ZNF808: variants seen among roughly 807,000 people sequenced by gnomAD.
The protein encoded by ZNF808 is zinc finger protein 808.
Under a neutral mutation model 8.7 loss-of-function variants are expected in ZNF808, and 5 were observed. The ratio of observed to expected loss-of-function variants is 0.58; its 90% CI spans 0.30 to 1.21. The LOEUF (loss-of-function observed/expected upper bound fraction) is 1.21. Among genes scored for constraint, ZNF808 ranks in the 50% most tolerant of loss-of-function variants. The probability of loss-of-function intolerance (pLI) is 0.07; values close to 1 mark genes in which losing one functional copy is unlikely to be tolerated. For missense variants in ZNF808, 1,103 were observed against 1,098.4 expected, an observed-to-expected ratio of 1.00 and a Z score of -0.06; for synonymous variants, 380 against 366.0, an observed-to-expected ratio of 1.04 and a Z score of -0.44.
intron 1 of ZNF808, among the ~76,000 whole-genome samples, chr19:52,530,401 C>T (rs1599945245): frequency 6.6e-6 from 1 of 151,916 alleles, no homozygotes; most frequent in African/African-American, 2.4e-5. Context: ...TGGTGGCTCA[C>T]GCCTGTAATC....
rs775343092 is a variant in ZNF808, at chr19:52,554,741, G to T, written c.1825G>T (p.Ala609Ser). Residue 609 changes from alanine to serine, a missense_variant, in exon 5 of 5, where the codon GCT becomes TCT. Physicochemically the swap from Ala to Ser is moderately conservative, Grantham distance 99 (BLOSUM62 1). Transcript: ENST00000359798. Reference sequence around the variant, plus strand: ...TGACAAAGTTTTTGGTCAGAAATCAGCTCTTGAGTCACATAAGAGAATTCA... The same window carrying T: ...TGACAAAGTTTTTGGTCAGAAATCATCTCTTGAGTCACATAAGAGAATTCA... ...ACDKVFGQKS[A>S]LESHKRIHTG... is the part of the protein sequence containing the mutation. 44 of 1,613,304 alleles carry T rather than the reference G, an allele frequency of 2.7e-5. 1 individual carries two copies. The South Asian group carries it at 4.8e-4, about 18-fold the overall frequency.
rs531195912 is a variant in ZNF808 at position 52,542,622 on chromosome 19, G to C, written c.-19-644G>C. Among the ~76,000 whole-genome samples the C allele has an allele frequency of 9.2e-5, 14 of 152,048 alleles. No homozygotes were observed. In the East Asian group the frequency reaches 2.7e-3, roughly 29 times the overall value. On this transcript the variant is annotated intron_variant, in intron 2 of 4. Coordinates refer to ENST00000359798, the MANE Select transcript of ZNF808 (RefSeq NM_001039886.4). ...TATTTAGAGAGTTTAGTTTGCCCAA[G>C]GTGGTCGGGGCAGAGCTTAATTTTA...
chr19:52,537,621 C>T (rs1018147293), intron 2 of ZNF808, among the ~76,000 whole-genome samples: 2 of 151,222 alleles, frequency 1.3e-5, no homozygotes, highest in Non-Finnish European at 2.9e-5. Flanking sequence ...CCAGGAGCTC[C>T]AGGCTGCTGT....
At chr19:52,539,890 G>T (rs908732386) in intron 2 of ZNF808, among the ~76,000 whole-genome samples, 1 of 151,868 alleles carries the variant, frequency 6.6e-6, no homozygotes, top group Non-Finnish European at 1.5e-5. Context: ...TGTTTCCCAG[G>T]CTGGAGTGCA....
intron 2 of ZNF808, among the ~76,000 whole-genome samples, chr19:52,537,088 A>G (rs1367503429): frequency 6.6e-6 from 1 of 152,156 alleles, no homozygotes; most frequent in African/African-American, 2.4e-5. Flanking sequence ...AGGGAGGCTG[A>G]GGCCAGAGAA....
chr19:52,539,468 C>T (rs1378316834), intron 2 of ZNF808, among the ~76,000 whole-genome samples: 2 of 150,466 alleles, frequency 1.3e-5, no homozygotes, highest in Non-Finnish European at 3.0e-5. Flanking sequence ...TGATTACAGG[C>T]GTGAGCCACC....
intron 2 of ZNF808, among the ~76,000 whole-genome samples, chr19:52,534,089 G>A (rs188193329): frequency 9.1e-4 from 139 of 152,240 alleles, no homozygotes; most frequent in Middle Eastern, 3.4e-3. Flanking sequence ...TTGGGAGGCC[G>A]AGGCTTCCGG....
At chr19:52,547,739 G>GT (rs1300723717) in intron 4 of ZNF808, 101 bp downstream of exon 4, 65,793 of 996,882 alleles carry the variant, frequency 0.066, 24 homozygotes, top group Non-Finnish European at 0.071. Flanking sequence ...ATCCATGCTG[G>GT]TTTTTTTTTT....
rs766445429 is a variant in ZNF808 at position 52,544,551 on chromosome 19, GA to G, written c.63+1206del. ...TCATCATGTTCGTTATGCTGATCTG[GA>G]ACTCCTGACCTCATGATCTGCCTAT... On this transcript the variant is annotated intron_variant, in intron 3 of 4. Coordinates refer to ENST00000359798, the MANE Select transcript of ZNF808 (RefSeq NM_001039886.4). 8.5e-5 allele frequency among the ~76,000 whole-genome samples: 13 copies of G among 152,170 alleles called. No homozygotes were observed. The Middle Eastern group carries it at 0.01, about 119-fold the overall frequency.
chr19:52,554,766 A>G lies in ZNF808; in HGVS notation c.1850A>G (p.His617Arg), dbSNP rs2059817564. ...KSALESHKRI[H>R]TGEKPYRCQV... ...GCTCTTGAGTCACATAAGAGAATTC[A>G]TACTGGAGAGAAACCATACAGATGT... Residue 617 changes from histidine to arginine, a missense_variant, in exon 5 of 5, where the codon CAT (histidine) becomes CGT (arginine). Transcript: ENST00000359798. 1.2e-6 allele frequency: 2 copies of G among 1,613,906 alleles called. No homozygotes were observed. Among genetic ancestry groups the G allele is most frequent in the Non-Finnish European group, 1.7e-6 (2 of 1,179,942 alleles).
In ZNF808 at chr19:52,554,036, A is replaced by G; in HGVS notation, c.1120A>G (p.Lys374Glu). Residue 374 changes from lysine to glutamate, a missense_variant, in exon 5 of 5, where the codon AAG becomes GAG. Coordinates refer to ENST00000359798, the MANE Select transcript of ZNF808 (RefSeq NM_001039886.4). ...LHTGVKPYKC[K>E]ICEKAFACHS... ...TACTGGAGTGAAACCTTACAAATGT[A>G]AGATTTGTGAGAAGGCTTTTGCGTG... 6.2e-7 allele frequency: 1 copy of G among 1,614,118 alleles called. No homozygotes were observed. Among genetic ancestry groups the G allele is most frequent in the Non-Finnish European group, 8.5e-7 (1 of 1,180,004 alleles).
downstream of ZNF808, among the ~76,000 whole-genome samples, chr19:52,568,246 C>G (rs886743905): frequency 6.6e-6 from 1 of 152,138 alleles, no homozygotes; most frequent in African/African-American, 2.4e-5. Flanking sequence ...TGGTGGCGCA[C>G]GCCTGTATTT....
In ZNF808 at chr19:52,530,127, C is replaced by T. The variant is rs183174168; in HGVS notation, c.-122+2416C>T. Among the ~76,000 whole-genome samples, 166 of 152,080 alleles carry T rather than the reference C, an allele frequency of 1.1e-3. 1 individual carries two copies. Among genetic ancestry groups the T allele is most frequent in the African/African-American group, 3.9e-3 (163 of 41,494 alleles). Reference sequence around the variant, plus strand: ...CCAGGCTAGCGTGCGATGGCATGATCTCAGCTCACCACAACCTCCGCTCCC... The same window carrying T: ...CCAGGCTAGCGTGCGATGGCATGATTTCAGCTCACCACAACCTCCGCTCCC... On this transcript the variant is annotated intron_variant, in intron 1 of 4. Transcript: ENST00000359798.
chr19:52,541,873 C>G (rs1324184493), intron 2 of ZNF808, among the ~76,000 whole-genome samples: 1 of 152,110 alleles, frequency 6.6e-6, no homozygotes, highest in African/African-American at 2.4e-5. Flanking sequence ...GCATCCCCAC[C>G]TTCAGGTGTC....
chr19:52,543,400 A>G (rs2059691566), intron 3 of ZNF808, 53 bp downstream of exon 3: 4 of 1,597,398 alleles, frequency 2.5e-6, no homozygotes, highest in Non-Finnish European at 3.4e-6. Context: ...TCTGAAATGT[A>G]GTAGTATTAT....
chr19:52,557,048 G>C (rs1266181264), downstream of ZNF808, among the ~76,000 whole-genome samples: 1 of 151,910 alleles, frequency 6.6e-6, no homozygotes, highest in African/African-American at 2.4e-5. Flanking sequence ...TCTCAGCTCT[G>C]CAACCTCTGC....
downstream of ZNF808, among the ~76,000 whole-genome samples, chr19:52,568,016 C>T (rs1003928305): frequency 6.6e-6 from 1 of 152,142 alleles, no homozygotes; most frequent in African/African-American, 2.4e-5. Context: ...TTAAATAATT[C>T]GGAACCTTGA....
intron 1 of ZNF808, among the ~76,000 whole-genome samples, chr19:52,529,819 C>G (rs1300977860): frequency 6.6e-6 from 1 of 151,900 alleles, no homozygotes; most frequent in Non-Finnish European, 1.5e-5. Flanking sequence ...CTCTTGGACT[C>G]AAGTGATCCT....
At chr19:52,529,681 A>G (rs115633483) in intron 1 of ZNF808, among the ~76,000 whole-genome samples, 10,338 of 152,074 alleles carry the variant, frequency 0.068, 364 homozygotes, top group Non-Finnish European at 0.078. Flanking sequence ...GAGAAGTGGG[A>G]AAAAAGTCGC....
Sources: allele counts gnomAD v4.1 joint callset (sites outside exome capture counted in the v4.1 genomes callset), GRCh38; gene constraint gnomAD v4.1.1; transcripts MANE v1.5; gene names NCBI Gene and HGNC (gene_info 2026-07-23, HGNC 2026-07-21).